MMUT: variants seen among roughly 807,000 people sequenced by gnomAD.
MMUT encodes methylmalonyl-CoA mutase.
Under a neutral mutation model 79.9 loss-of-function variants are expected in MMUT, and 79 were observed. That is an observed-to-expected ratio of 0.99 (90% CI 0.82 to 1.19). The LOEUF is 1.19. Among genes scored for constraint, MMUT ranks in the 50% most tolerant of loss-of-function variants. MMUT has a pLI of 0.00. For synonymous variants in MMUT, 273 were observed against 295.7 expected, an observed-to-expected ratio of 0.92 and a Z score of 0.79; for missense variants, 860 against 917.2, an observed-to-expected ratio of 0.94 and a Z score of 0.81.
intron 5 of MMUT, 117 bp from the exon 6 acceptor site, chr6:49,451,831 TA>T: frequency 8.7e-7 from 1 of 1,151,156 alleles, no homozygotes; most frequent in Non-Finnish European, 1.2e-6. Flanking sequence ...ATTTCCATAT[TA>T]AGCTTCAGAA....
At position 49,451,463 on chromosome 6, in the gene MMUT, T is replaced by G. The variant is rs367641890; in HGVS notation, c.1332+3A>C. 6.5e-5 allele frequency: 105 copies of G among 1,613,868 alleles called. No individual in the cohort carries two copies. Among genetic ancestry groups the G allele is most frequent in the African/African-American group, 4.5e-4 (34 of 75,046 alleles). On this transcript the variant is annotated splice_donor_region_variant and intron_variant, in intron 6 of 12. Transcript: ENST00000274813. ...AACAAAGTTGCAAAGTGGAAAAACT[T>G]ACCTTTAAAGCAGCATCATAAACAT...
intron 10 of MMUT, 69 bp from the exon 11 acceptor site, chr6:49,440,422 T>C (rs1233639541): frequency 6.8e-7 from 1 of 1,461,240 alleles, no homozygotes; most frequent in Non-Finnish European, 9.5e-7. Context: ...TAAAAACTAA[T>C]TTATTCACAG....
At chr6:49,449,830 AG>A (rs1767503815) in intron 6 of MMUT, among the ~76,000 whole-genome samples, 1 of 152,180 alleles carries the variant, frequency 6.6e-6, no homozygotes, top group Non-Finnish European at 1.5e-5. Flanking sequence ...AACAAAAATG[AG>A]CTCTACGAAT....
Position 49,440,231 on chromosome 6 carries a change from T to C in MMUT, c.1931A>G (p.Asp644Gly). The C allele has an allele frequency of 6.2e-7, 1 of 1,614,062 alleles. No homozygotes were observed. Among genetic ancestry groups the C allele is most frequent in the Non-Finnish European group, 8.5e-7 (1 of 1,179,950 alleles). The change falls in exon 11 of 13, where the codon GAT becomes GGT. Residue 644 changes from aspartate (D) to glycine (G), a missense_variant. Coordinates refer to ENST00000274813, the MANE Select transcript of MMUT (RefSeq NM_000255.4). ...IATGFADLGF[D>G]VDIGPLFQTP... is the part of the protein sequence containing the mutation. ...CTGGAAAAGAGGGCCTATGTCCACA[T>C]CAAAACCAAGATCAGCAAATCCTGT...
At position 49,435,445 on chromosome 6, in the gene MMUT, A is replaced by T; in HGVS notation, c.2124+11T>A. On this transcript the variant is annotated intron_variant, in intron 12 of 12. Transcript: ENST00000274813. ...CCATCACAGTACTAGAAAAATAGAG[A>T]TAAAAAATACCTGAGGTGGTATCAC... 2 of 1,610,318 alleles carry T rather than the reference A, an allele frequency of 1.2e-6. No homozygotes were observed.
intron 9 of MMUT, 87 bp downstream of exon 9, chr6:49,444,552 G>T: frequency 9.4e-7 from 1 of 1,065,652 alleles, no homozygotes; most frequent in South Asian, 1.3e-5. Context: ...ATGGTTTACA[G>T]GATCAACCTT....
chr6:49,435,445 A>AT lies in MMUT; in HGVS notation c.2124+10dup. On this transcript the variant is annotated intron_variant, in intron 12 of 12. Coordinates refer to ENST00000274813, the MANE Select transcript of MMUT (RefSeq NM_000255.4). ...CCATCACAGTACTAGAAAAATAGAG[A>AT]TAAAAAATACCTGAGGTGGTATCAC... 5 of 1,610,318 alleles carry AT rather than the reference A, an allele frequency of 3.1e-6. No homozygotes were observed. Among genetic ancestry groups the AT allele is most frequent in the South Asian group, 2.2e-5 (2 of 91,000 alleles).
intron 10 of MMUT, among the ~76,000 whole-genome samples, chr6:49,441,579 T>C (rs955578817): frequency 6.7e-6 from 1 of 149,894 alleles, no homozygotes; most frequent in Non-Finnish European, 1.5e-5. Context: ...TATTATCATG[T>C]ACCTATTAAA....
chr6:49,438,599 A>C (rs773846263), intron 11 of MMUT, among the ~76,000 whole-genome samples: 15 of 152,148 alleles, frequency 9.9e-5, no homozygotes, highest in Non-Finnish European at 2.2e-4. Context: ...TTTCTATCAT[A>C]ATTAATTGGA....
In MMUT at chr6:49,442,097, G is replaced by T. The variant is rs893349749; in HGVS notation, c.1677-126C>A. On this transcript the variant is annotated intron_variant, in intron 9 of 12. Coordinates refer to ENST00000274813, the MANE Select transcript of MMUT (RefSeq NM_000255.4). ...AAATGACTGTAAAAATGTAAAATAA[G>T]AATTTTTTAATGCATTATGAAAGCA... is the stretch of plus-strand genomic sequence containing the variant. 6 of 1,141,394 alleles carry T rather than the reference G, an allele frequency of 5.3e-6. No homozygotes were observed. In the African/African-American group the frequency reaches 8.0e-5, roughly 15 times the overall value. The allele number at this position is 1,141,394 out of a possible 1,614,324, so 70.7% of individuals were successfully genotyped here.
At chr6:49,441,726 T>C in intron 10 of MMUT, 114 bp downstream of exon 10, 1 of 796,020 alleles carries the variant, frequency 1.3e-6, no homozygotes, top group Non-Finnish European at 1.7e-6. Context: ...TTTATTATTA[T>C]AAAATTCAAA....
Position 49,431,810 on chromosome 6 carries a change from G to C in MMUT, c.2171C>G (p.Pro724Arg). The C allele has an allele frequency of 6.2e-7, 1 of 1,613,804 alleles. No individual in the cohort carries two copies. Among genetic ancestry groups the C allele is most frequent in the Non-Finnish European group, 8.5e-7 (1 of 1,179,810 alleles). ...GGCAGCCTTTGGAATTCGAGTCCCA[G>C]GACCAAATACATTGGAAACACCAAC... ...FEVGVSNVFGPGTRIPKAAVQ... is the reference protein window; with the variant it reads ...FEVGVSNVFGRGTRIPKAAVQ... Residue 724 changes from proline (P) to arginine (R), a missense_variant, in exon 13 of 13, where the codon CCT becomes CGT. Transcript: ENST00000274813.
chr6:49,449,895 C>A (rs1460051480), intron 6 of MMUT, among the ~76,000 whole-genome samples: 5 of 151,796 alleles, frequency 3.3e-5, no homozygotes, highest in Non-Finnish European at 5.9e-5. Context: ...GTTGACAAAT[C>A]TTTAAGAACA....
chr6:49,439,525 T>G (rs1464543115), intron 11 of MMUT, among the ~76,000 whole-genome samples: 1 of 152,124 alleles, frequency 6.6e-6, no homozygotes, highest in Non-Finnish European at 1.5e-5. Context: ...TCTCCTATTC[T>G]GGACCCCACT....
intron 11 of MMUT, among the ~76,000 whole-genome samples, chr6:49,436,872 G>T (rs1249152804): frequency 6.6e-6 from 1 of 152,024 alleles, no homozygotes; most frequent in Non-Finnish European, 1.5e-5. Flanking sequence ...TCTTATAATT[G>T]GGAGCTAAAT....
chr6:49,452,086 T>A, intron 5 of MMUT, among the ~76,000 whole-genome samples: 1 of 152,180 alleles, frequency 6.6e-6, no homozygotes, highest in Admixed American at 6.5e-5. Flanking sequence ...TCTACCACAA[T>A]GATGTGTACA....
chr6:49,447,636 C>G (rs762852792), intron 8 of MMUT, 34 bp downstream of exon 8: 2 of 1,030,270 alleles, frequency 1.9e-6, no homozygotes, highest in Admixed American at 3.8e-5. Context: ...ACAGAAAATA[C>G]TTAAAAAAAA....
intron 4 of MMUT, among the ~76,000 whole-genome samples, chr6:49,455,652 C>A (rs968227155): frequency 1.4e-4 from 21 of 152,102 alleles, no homozygotes; most frequent in Non-Finnish European, 2.9e-4. Flanking sequence ...TTTCATACAA[C>A]ATTATTAAGA....
intron 6 of MMUT, 74 bp downstream of exon 6, chr6:49,451,392 G>T: frequency 6.7e-7 from 1 of 1,485,642 alleles, no homozygotes. Context: ...ATCTTGACTT[G>T]TAAGTTTTAA....
Sources: gnomAD v4.1 joint callset for allele counts (sites outside exome capture counted in the v4.1 genomes callset) on GRCh38, gnomAD v4.1.1 for gene constraint, MANE v1.5 for transcripts, NCBI Gene and HGNC (gene_info 2026-07-23, HGNC 2026-07-21) for gene names.